The following DLG2 variants were observed in gnomAD, a reference collection of about 807,000 sequenced individuals.
DLG2 encodes disks large homolog 2.
In DLG2, 45 loss-of-function variants were observed where a neutral mutation model predicts 132.5. That is an observed-to-expected ratio of 0.34 (90% CI 0.27 to 0.44). The LOEUF (loss-of-function observed/expected upper bound fraction) is 0.44, where lower values mean the gene tolerates loss of function less well. Ranked by LOEUF, DLG2 falls within the 20% of genes least tolerant of loss-of-function variation. The pLI is 1.00. For missense variants in DLG2, 1,045 were observed against 1,196.9 expected (o/e 0.87, Z 1.87); for synonymous variants, 424 against 419.6 (o/e 1.01, Z -0.13).
At chr11:83,667,162 A>G (rs369474983) in intron 18 of DLG2, among the ~76,000 whole-genome samples, 9 of 152,222 alleles carry the variant, frequency 5.9e-5, no homozygotes, top group African/African-American at 9.6e-5. Flanking sequence ...ATTTCTTAAA[A>G]TATGCTTTTG....
chr11:83,629,622 G>A (rs2153453003), intron 19 of DLG2, among the ~76,000 whole-genome samples: 1 of 152,210 alleles, frequency 6.6e-6, no homozygotes, highest in East Asian at 1.9e-4. Context: ...TACAAAAGGT[G>A]CATCCCTGTT....
intron 19 of DLG2, among the ~76,000 whole-genome samples, chr11:83,565,077 T>A (rs1375589140): frequency 2.4e-4 from 37 of 152,212 alleles, no homozygotes. Flanking sequence ...TGCCATTCAC[T>A]AGCATAGTTC....
At chr11:83,492,406 GT>G (rs2093905090) in intron 21 of DLG2, among the ~76,000 whole-genome samples, 1 of 151,934 alleles carries the variant, frequency 6.6e-6, no homozygotes, top group Admixed American at 6.6e-5. Context: ...TTTGGACTCA[GT>G]TTTTGAGTCT....
intron 6 of DLG2, among the ~76,000 whole-genome samples, chr11:84,996,401 C>A (rs2057657297): frequency 6.6e-6 from 1 of 152,044 alleles, no homozygotes; most frequent in Non-Finnish European, 1.5e-5. Context: ...TTATCTTAAT[C>A]TCTCGTAGTA....
chr11:84,018,875 A>G (rs1168820801), intron 11 of DLG2, among the ~76,000 whole-genome samples: 1 of 152,074 alleles, frequency 6.6e-6, no homozygotes. Flanking sequence ...AGACTAAAAT[A>G]GTGTATCCAG....
At chr11:83,620,260 TA>T (rs924975261) in intron 19 of DLG2, among the ~76,000 whole-genome samples, 79 of 146,578 alleles carry the variant, frequency 5.4e-4, no homozygotes, top group African/African-American at 9.5e-4. Context: ...ATGATATCTT[TA>T]AAAAAAATCT....
chr11:84,556,113 G>A (rs926678892), intron 6 of DLG2, among the ~76,000 whole-genome samples: 1 of 152,162 alleles, frequency 6.6e-6, no homozygotes, highest in Non-Finnish European at 1.5e-5. Context: ...TCTCAGAGGA[G>A]ATAAGAAGTA....
chr11:83,887,958 T>C (rs2068440330), intron 15 of DLG2, among the ~76,000 whole-genome samples: 1 of 139,422 alleles, frequency 7.2e-6, no homozygotes, highest in African/African-American at 2.7e-5. Flanking sequence ...CTCAAAATAA[T>C]AAGAGCTATC....
At chr11:83,463,751 A>G (rs2090502705) in intron 26 of DLG2, among the ~76,000 whole-genome samples, 1 of 152,234 alleles carries the variant, frequency 6.6e-6, no homozygotes, top group Non-Finnish European at 1.5e-5. Flanking sequence ...TGATGGCACC[A>G]CTACACTCCA....
At chr11:83,691,315 C>T (rs755427889) in intron 18 of DLG2, among the ~76,000 whole-genome samples, 22 of 152,144 alleles carry the variant, frequency 1.4e-4, no homozygotes, top group Middle Eastern at 3.2e-3. Context: ...CCCACTGCCT[C>T]CACTGTCTTC....
intron 3 of DLG2, among the ~76,000 whole-genome samples, chr11:85,393,224 G>C (rs913272635): frequency 1.3e-5 from 2 of 152,062 alleles, no homozygotes; most frequent in Non-Finnish European, 2.9e-5. Flanking sequence ...ATGAAAAAAT[G>C]CTCAACATCA....
rs540777577 is a variant in DLG2, at chr11:85,276,114, G to A, written c.186+9106C>T. ...GATATTCTGAAACTTTTTCTTTACT[G>A]TTACATTCTGATTATCAAGTTATTG... On this transcript the variant is annotated intron_variant, in intron 4 of 27. Transcript: ENST00000376104. Among the ~76,000 whole-genome samples the A allele has an allele frequency of 8.5e-5, 13 of 152,220 alleles. No individual in the cohort carries two copies. In the South Asian group the frequency reaches 2.7e-3, roughly 32 times the overall value.
At chr11:84,456,852 A>G (rs2099066804) in intron 7 of DLG2, among the ~76,000 whole-genome samples, 1 of 151,294 alleles carries the variant, frequency 6.6e-6, no homozygotes, top group Non-Finnish European at 1.5e-5. Context: ...GATGTATTGT[A>G]GATGCTCATC....
At chr11:84,821,314 T>C (rs967402806) in intron 6 of DLG2, among the ~76,000 whole-genome samples, 1 of 151,692 alleles carries the variant, frequency 6.6e-6, no homozygotes, top group African/African-American at 2.4e-5. Flanking sequence ...AAAAACTTTA[T>C]GAAACGCAGA....
At chr11:84,079,216 C>A (rs187906749) in intron 10 of DLG2, among the ~76,000 whole-genome samples, 16 of 152,044 alleles carry the variant, frequency 1.1e-4, no homozygotes, top group African/African-American at 3.6e-4. Context: ...TTTGCCAACA[C>A]CTTAGTTCAA....
intron 2 of DLG2, among the ~76,000 whole-genome samples, chr11:85,622,745 G>A (rs1293468238): frequency 6.6e-6 from 1 of 152,070 alleles, no homozygotes; most frequent in Non-Finnish European, 1.5e-5. Flanking sequence ...GTGCCTATGA[G>A]ATATATGGCA....
rs528038705 is a variant in DLG2 at position 84,327,463 on chromosome 11, T to C, written c.520-76172A>G. On this transcript the variant is annotated intron_variant, in intron 7 of 27. Transcript: ENST00000376104. ...AATCCATTTACATTTAAAGTAATTA[T>C]ATATTGATAAGGAAGGACTTATTAT... Among the ~76,000 whole-genome samples, 6 of 152,328 alleles carry C rather than the reference T, an allele frequency of 3.9e-5. No homozygotes were observed. The South Asian group carries it at 1.0e-3, about 26-fold the overall frequency.
intron 12 of DLG2, among the ~76,000 whole-genome samples, chr11:83,975,492 A>G (rs1255657025): frequency 2.0e-5 from 3 of 152,090 alleles, no homozygotes; most frequent in African/African-American, 7.2e-5. Context: ...TATTATGGTC[A>G]TCTTATTTAA....
rs548562767 is a variant in DLG2 at position 84,331,275 on chromosome 11, A to T, written c.520-79984T>A. ...AAGTAATTTTTGTAATAGTCCTGAA[A>T]GTCCCAATGTTATTATTCCCATTTC... On this transcript the variant is annotated intron_variant, in intron 7 of 27. Transcript: ENST00000376104. Among the ~76,000 whole-genome samples the T allele has an allele frequency of 8.5e-5, 13 of 152,172 alleles. No homozygotes were observed. In the South Asian group the frequency reaches 2.7e-3, roughly 32 times the overall value.
Sources: allele counts gnomAD v4.1 joint callset (sites outside exome capture counted in the v4.1 genomes callset), GRCh38; gene constraint gnomAD v4.1.1; transcripts MANE v1.5; gene names NCBI Gene and HGNC (gene_info 2026-07-23, HGNC 2026-07-21).